Variants in N4BP2 observed in about 807,000 individuals in gnomAD.
The protein encoded by N4BP2 is NEDD4 binding protein 2, also known as NEDD4-binding protein 2.
In N4BP2, 91 loss-of-function variants were observed where a neutral mutation model predicts 152.8. The ratio of observed to expected loss-of-function variants is 0.60; its 90% confidence interval spans 0.50 to 0.71. N4BP2 has a LOEUF of 0.71. N4BP2 is among the 30% of genes least tolerant of loss of function. The pLI, the probability that N4BP2 is intolerant of heterozygous loss-of-function variation, is 0.00. For missense variants in N4BP2, 1,923 were observed against 2,059.1 expected, an observed-to-expected ratio of 0.93 and a Z score of 1.28; for synonymous variants, 646 against 705.3, an observed-to-expected ratio of 0.92 and a Z score of 1.33.
chr4:40,089,269 T>G (rs1273261936), intron 2 of N4BP2, among the ~76,000 whole-genome samples: 1 of 151,960 alleles, frequency 6.6e-6, no homozygotes, highest in African/African-American at 2.4e-5. Flanking sequence ...CCTGGCATAC[T>G]GTTGAGTTTT....
At chr4:40,145,223 TTTG>T (rs1720405884) in intron 16 of N4BP2, among the ~76,000 whole-genome samples, 3 of 150,626 alleles carry the variant, frequency 2.0e-5, no homozygotes, top group African/African-American at 2.4e-5. Context: ...AGTTTTTTTG[TTTG>T]TTTGTTTCTT....
intron 2 of N4BP2, among the ~76,000 whole-genome samples, chr4:40,087,264 T>A (rs1001323272): frequency 4.0e-5 from 6 of 151,672 alleles, no homozygotes; most frequent in Admixed American, 3.9e-4. Context: ...CTTCCCCTCC[T>A]TTAAAAAAAA....
At chr4:40,076,415 G>A (rs1191220720) in intron 2 of N4BP2, among the ~76,000 whole-genome samples, 1 of 152,090 alleles carries the variant, frequency 6.6e-6, no homozygotes, top group Admixed American at 6.5e-5. Flanking sequence ...GGCAGAGGTA[G>A]CATTGAGCTC....
In N4BP2 at chr4:40,120,402, A is replaced by C. The variant is rs936929371; in HGVS notation, c.2291A>C (p.Lys764Thr). ...GTGGAAGAAAGAGCAACAGTAACGAAAAAAGCCTTTGGGAAACAAAAAAGC... is the reference window on the plus strand; with the variant it reads ...GTGGAAGAAAGAGCAACAGTAACGACAAAAGCCTTTGGGAAACAAAAAAGC... The part of the protein sequence containing the change: ...EIVEERATVT[K>T]KAFGKQKSKS... Residue 764 changes from lysine (K) to threonine (T), a missense_variant, in exon 9 of 18, where the codon AAA becomes ACA. Lys to Thr is a moderately conservative substitution (Grantham distance 78). Transcript: ENST00000261435. 3 of 1,613,942 alleles carry C rather than the reference A, an allele frequency of 1.9e-6. No individual in the cohort carries two copies. In the Admixed American group the frequency reaches 5.0e-5, roughly 27 times the overall value.
chr4:40,169,391 A>C, the N4BP2 span, among the ~76,000 whole-genome samples: 1 of 151,810 alleles, frequency 6.6e-6, no homozygotes, highest in Admixed American at 6.6e-5. Flanking sequence ...AAAAAAAAAA[A>C]AACCTTAAAA....
At chr4:40,067,971 C>T (rs139904538) in intron 1 of N4BP2, among the ~76,000 whole-genome samples, 3,154 of 152,246 alleles carry the variant, frequency 0.021, 112 homozygotes, top group African/African-American at 0.071. Flanking sequence ...TGAGCCACTG[C>T]ACCTGGCCTG....
chr4:40,151,241 A>G lies in N4BP2; in HGVS notation c.5144-1539A>G, dbSNP rs540173418. On this transcript the variant is annotated intron_variant, in intron 16 of 17. Coordinates refer to ENST00000261435, the MANE Select transcript of N4BP2 (RefSeq NM_018177.6). The stretch of plus-strand genomic sequence containing the variant: ...GGAGCCATAGTGAAGAGTGTGAGTT[A>G]TGATTAGAGATTTAGTTGGGCTTTT... Among the ~76,000 whole-genome samples, 21 of 152,248 alleles carry G rather than the reference A, an allele frequency of 1.4e-4. No homozygotes were observed. In the South Asian group the frequency reaches 4.4e-3, roughly 32 times the overall value.
the N4BP2 span, among the ~76,000 whole-genome samples, chr4:40,185,814 AT>A: frequency 6.6e-6 from 1 of 152,164 alleles, no homozygotes; most frequent in Non-Finnish European, 1.5e-5. Context: ...AGCTACAATA[AT>A]TTAGGTAATA....
At chr4:40,185,684 G>C in the N4BP2 span, among the ~76,000 whole-genome samples, 1 of 152,034 alleles carries the variant, frequency 6.6e-6, no homozygotes, top group Non-Finnish European at 1.5e-5. Flanking sequence ...AAAAACATTT[G>C]TTTATGACTA....
chr4:40,084,990 G>A (rs1194600143), intron 2 of N4BP2, among the ~76,000 whole-genome samples: 1 of 146,360 alleles, frequency 6.8e-6, no homozygotes, highest in Non-Finnish European at 1.5e-5. Context: ...TCAGCTCACT[G>A]CCACCTCCGC....
the N4BP2 span, among the ~76,000 whole-genome samples, chr4:40,181,682 C>G: frequency 6.6e-6 from 1 of 152,236 alleles, no homozygotes; most frequent in South Asian, 2.1e-4. Context: ...TGCGGTGGCT[C>G]ACGCCTGTTA....
intron 1 of N4BP2, among the ~76,000 whole-genome samples, chr4:40,066,733 GA>G (rs911673049): frequency 9.2e-5 from 14 of 151,896 alleles, no homozygotes; most frequent in African/African-American, 3.4e-4. Flanking sequence ...TTTAGTTGGG[GA>G]AAAAAGTACA....
chr4:40,121,947 A>G lies in N4BP2; in HGVS notation c.3836A>G (p.His1279Arg). The change falls in exon 9 of 18, where the codon CAT (histidine) becomes CGT (arginine). Residue 1279 changes from histidine (H) to arginine (R), a missense_variant. Physicochemically the swap from His to Arg is conservative, Grantham distance 29. Transcript: ENST00000261435. The part of the protein sequence containing the change: ...LVVTETGDNI[H>R]SPSHFSDIFN... ...GTCACAGAGACTGGAGACAACATAC[A>G]TTCTCCTTCACATTTCTCTGATATT... 6.4e-7 allele frequency: 1 copy of G among 1,571,542 alleles called. No individual in the cohort carries two copies. Among genetic ancestry groups the G allele is most frequent in the Non-Finnish European group, 8.6e-7 (1 of 1,162,376 alleles).
In N4BP2 at chr4:40,158,094, T is replaced by C. The variant is rs1168431788; in HGVS notation, c.*3857T>C. 6.6e-6 allele frequency: 1 copy of C among 152,220 alleles called. No individual in the cohort carries two copies. The highest frequency in any genetic ancestry group is 1.5e-5 in the Non-Finnish European group (1 of 68,034). The allele number at this position is 152,220 out of a possible 1,614,324, so 9.4% of individuals were successfully genotyped here. ...TATATTATAAAATTTTCAGACAGTA[T>C]ATCAGAAAAATGTTTTTATTTGTAC... On this transcript the variant is annotated 3_prime_UTR_variant, in exon 18 of 18. Coordinates refer to ENST00000261435, the MANE Select transcript of N4BP2 (RefSeq NM_018177.6).
the N4BP2 span, among the ~76,000 whole-genome samples, chr4:40,178,075 G>A: frequency 9.2e-5 from 14 of 152,024 alleles, 1 homozygote; most frequent in African/African-American, 3.1e-4. Context: ...CAGGAGAATC[G>A]CTTGAACCCA....
the N4BP2 span, among the ~76,000 whole-genome samples, chr4:40,182,351 G>C: frequency 1.8e-4 from 28 of 152,228 alleles, no homozygotes; most frequent in African/African-American, 4.6e-4. Context: ...AGGCTGAGAA[G>C]TTTCCTTTTG....
chr4:40,143,717 G>T (rs1287641290), intron 15 of N4BP2, among the ~76,000 whole-genome samples: 2 of 152,188 alleles, frequency 1.3e-5, no homozygotes, highest in African/African-American at 4.8e-5. Flanking sequence ...GTCCTTGGGG[G>T]ATAGCTTCTG....
intron 5 of N4BP2, among the ~76,000 whole-genome samples, chr4:40,110,665 G>T (rs1431311236): frequency 6.6e-6 from 1 of 152,168 alleles, no homozygotes; most frequent in East Asian, 1.9e-4. Flanking sequence ...AGCCTCCTGA[G>T]TAGCTGGGAT....
intron 11 of N4BP2, 35 bp from the exon 12 acceptor site, chr4:40,126,099 G>C (rs73808624): frequency 8.1e-7 from 1 of 1,236,876 alleles, no homozygotes; most frequent in East Asian, 2.7e-5. Context: ...TACATTTATT[G>C]TTGAGAGTAT....
Sources: allele counts gnomAD v4.1 joint callset (sites outside exome capture counted in the v4.1 genomes callset), GRCh38; gene constraint gnomAD v4.1.1; transcripts MANE v1.5; gene names NCBI Gene and HGNC (gene_info 2026-07-23, HGNC 2026-07-21).